The following CFH variants were observed in gnomAD, a reference collection of about 807,000 sequenced individuals.
CFH encodes H factor 1 (complement).
A neutral mutation model predicts 147.3 loss-of-function variants in CFH; 53 were observed. The ratio of observed to expected loss-of-function variants is 0.36; its 90% CI spans 0.29 to 0.45. CFH has a LOEUF of 0.45. Among genes scored for constraint, CFH ranks in the 20% least tolerant of loss-of-function variants. The probability of loss-of-function intolerance (pLI) is 1.00; values close to 1 mark genes in which losing one functional copy is unlikely to be tolerated. For synonymous variants in CFH, 536 were observed against 489.4 expected (o/e 1.10, Z -1.26); for missense variants, 1,380 against 1,498.0 (o/e 0.92, Z 1.30).
At chr1:196,661,843 A>G (rs1429608643) in intron 1 of CFH, among the ~76,000 whole-genome samples, 1 of 152,222 alleles carries the variant, frequency 6.6e-6, no homozygotes, top group African/African-American at 2.4e-5. Flanking sequence ...ATTGATTGAC[A>G]TACCAATCTC....
At chr1:196,692,881 C>CCTACCTACCTACCTT (rs1553275284) in intron 9 of CFH, among the ~76,000 whole-genome samples, 2 of 57,348 alleles carry the variant, frequency 3.5e-5, no homozygotes, top group South Asian at 6.3e-4. Flanking sequence ...TCTGTCACCT[C>CCTACCTACCTACCTT]CCTCCCTCCC....
At position 196,747,259 on chromosome 1, in the gene CFH, G is replaced by A. The variant is rs149842505; in HGVS notation, c.3642G>A (p.Leu1214=). Residue 1214 remains leucine, a synonymous_variant, in exon 22 of 22, where the codon TTG becomes TTA. Transcript: ENST00000367429. The stretch of plus-strand genomic sequence containing the variant: ...GTCTTTCATCACGTTCTCACACATT[G>A]CGAACAACATGTTGGGATGGGAAAC... ...GYRLSSRSHT[L]RTTCWDGKLE... 2.9e-5 allele frequency: 47 copies of A among 1,613,860 alleles called. No individual in the cohort carries two copies. Among genetic ancestry groups the A allele is most frequent in the Non-Finnish European group, 5.9e-6 (7 of 1,179,932 alleles).
At chr1:196,702,008 A>G (rs575336543) in intron 9 of CFH, among the ~76,000 whole-genome samples, 1 of 152,144 alleles carries the variant, frequency 6.6e-6, no homozygotes, top group Non-Finnish European at 1.5e-5. Flanking sequence ...GAAATACCCT[A>G]TGTATAATGT....
At chr1:196,692,325 C>G (rs1249352428) in intron 9 of CFH, 2 of 593,920 alleles carry the variant, frequency 3.4e-6, no homozygotes, top group Non-Finnish European at 4.2e-6. Flanking sequence ...TCTTTTTTGT[C>G]TCATCATTCA....
At chr1:196,672,920 A>T in intron 1 of CFH, 58 bp from the exon 2 acceptor site, 1 of 1,436,788 alleles carries the variant, frequency 7.0e-7, no homozygotes, top group Non-Finnish European at 9.7e-7. Flanking sequence ...AATTACCTAA[A>T]TATACTGTAC....
intron 1 of CFH, among the ~76,000 whole-genome samples, chr1:196,660,166 A>AAGCC (rs1470592713): frequency 6.6e-6 from 1 of 152,212 alleles, no homozygotes; most frequent in Non-Finnish European, 1.5e-5. Context: ...AGATGAGACA[A>AAGCC]AGCCAGTCAT....
At chr1:196,674,153 T>G (rs1667379213) in intron 3 of CFH, among the ~76,000 whole-genome samples, 191 bp downstream of exon 3, 1 of 152,128 alleles carries the variant, frequency 6.6e-6, no homozygotes, top group Non-Finnish European at 1.5e-5. Context: ...ATTGAAAAAT[T>G]TAAATGAAGT....
chr1:196,667,592 A>T (rs1455221871), intron 1 of CFH, among the ~76,000 whole-genome samples: 3 of 152,204 alleles, frequency 2.0e-5, no homozygotes, highest in Admixed American at 2.0e-4. Flanking sequence ...TATTAAAAGT[A>T]ATCATCATAT....
At chr1:196,730,393 TTCC>T (rs1206118496) in intron 15 of CFH, among the ~76,000 whole-genome samples, 2 of 151,890 alleles carry the variant, frequency 1.3e-5, no homozygotes, top group South Asian at 2.1e-4. Flanking sequence ...TTTTCCATAG[TTCC>T]TCCTATTATT....
chr1:196,684,919 A>G, intron 6 of CFH, 145 bp from the exon 7 acceptor site: 1 of 665,248 alleles, frequency 1.5e-6, no homozygotes, highest in Non-Finnish European at 2.6e-6. Flanking sequence ...TATACCAGAA[A>G]GGATACTATG....
chr1:196,666,663 A>T (rs1322712929), intron 1 of CFH, among the ~76,000 whole-genome samples: 1 of 151,684 alleles, frequency 6.6e-6, no homozygotes, highest in South Asian at 2.1e-4. Flanking sequence ...AACCCAAAAA[A>T]TAGCCGGGCA....
At chr1:196,672,359 C>T (rs1012262479) in intron 1 of CFH, among the ~76,000 whole-genome samples, 2 of 152,180 alleles carry the variant, frequency 1.3e-5, no homozygotes, top group South Asian at 2.1e-4. Context: ...TACCTTTGAA[C>T]ATACACATGC....
At chr1:196,681,842 A>C (rs1424619136) in intron 6 of CFH, among the ~76,000 whole-genome samples, 1 of 151,816 alleles carries the variant, frequency 6.6e-6, no homozygotes, top group Non-Finnish European at 1.5e-5. Context: ...TATAGCATAA[A>C]TATGACTATT....
At chr1:196,664,488 T>C (rs1667012056) in intron 1 of CFH, among the ~76,000 whole-genome samples, 1 of 152,212 alleles carries the variant, frequency 6.6e-6, no homozygotes, top group Non-Finnish European at 1.5e-5. Context: ...CCATAATGTC[T>C]CGCTACTCAG....
chr1:196,742,346 A>G (rs1393618193), intron 19 of CFH, among the ~76,000 whole-genome samples: 1 of 152,222 alleles, frequency 6.6e-6, no homozygotes, highest in Non-Finnish European at 1.5e-5. Context: ...ACTGCACTCC[A>G]CCCAGGGTGA....
intron 17 of CFH, among the ~76,000 whole-genome samples, chr1:196,739,134 C>G (rs1013285315): frequency 2.6e-5 from 4 of 152,218 alleles, no homozygotes; most frequent in African/African-American, 4.8e-5. Flanking sequence ...CATAGAGCAG[C>G]AGGGACCTGA....
intron 9 of CFH, among the ~76,000 whole-genome samples, chr1:196,691,331 C>T (rs1208881498): frequency 6.6e-6 from 1 of 151,984 alleles, no homozygotes; most frequent in African/African-American, 2.4e-5. Flanking sequence ...AATGGGTATT[C>T]TGAGATCTTG....
At chr1:196,703,156 T>A (rs1668502643) in intron 9 of CFH, among the ~76,000 whole-genome samples, 1 of 152,216 alleles carries the variant, frequency 6.6e-6, no homozygotes, top group Non-Finnish European at 1.5e-5. Flanking sequence ...AATGGCAAGC[T>A]GACTTGTTAT....
chr1:196,678,827 C>G (rs1292959220), intron 5 of CFH: 2 of 152,020 alleles, frequency 1.3e-5, no homozygotes, highest in Admixed American at 6.6e-5. Flanking sequence ...TCCATTGTTC[C>G]TAGGCACCTT....
Sources: gnomAD v4.1 joint callset for allele counts (sites outside exome capture counted in the v4.1 genomes callset) on GRCh38, gnomAD v4.1.1 for gene constraint, MANE v1.5 for transcripts, NCBI Gene and HGNC (gene_info 2026-07-23, HGNC 2026-07-21) for gene names.